Variants in ADAMTSL1 observed in about 807,000 individuals in gnomAD.
ADAMTSL1 encodes the protein ADAMTS like 1.
Under a neutral mutation model 201.8 loss-of-function variants are expected in ADAMTSL1, and 126 were observed. The observed-to-expected ratio is 0.62, with a 90% CI of 0.54 to 0.72. The LOEUF (loss-of-function observed/expected upper bound fraction) is 0.72, where lower values mean the gene tolerates loss of function less well. Ranked by LOEUF, ADAMTSL1 falls within the 30% of genes least tolerant of loss-of-function variation. The probability of loss-of-function intolerance (pLI) is 0.00; values close to 1 mark genes in which losing one functional copy is unlikely to be tolerated. For synonymous variants in ADAMTSL1, 1,121 were observed against 903.4 expected (o/e 1.24, Z -4.32); for missense variants, 2,679 against 2,277.8 (o/e 1.18, Z -3.59).
At chr9:18,112,498 T>C (rs1178302805) in intron 1 of ADAMTSL1, among the ~76,000 whole-genome samples, 1 of 151,686 alleles carries the variant, frequency 6.6e-6, no homozygotes, top group Non-Finnish European at 1.5e-5. Context: ...TTTTTTTTTT[T>C]CCTAGTTCTT....
chr9:18,525,793 A>C (rs183783047), intron 2 of ADAMTSL1, among the ~76,000 whole-genome samples: 1 of 152,320 alleles, frequency 6.6e-6, no homozygotes, highest in East Asian at 1.9e-4. Context: ...GTTTGATAGC[A>C]CTGTGGTCAG....
At chr9:18,121,394 T>C (rs76718094) in intron 1 of ADAMTSL1, among the ~76,000 whole-genome samples, 13 of 152,174 alleles carry the variant, frequency 8.5e-5, no homozygotes, top group African/African-American at 3.1e-4. Context: ...GGCACTGAGA[T>C]TGAAATACCC....
intron 4 of ADAMTSL1, among the ~76,000 whole-genome samples, chr9:18,594,336 T>G (rs1824118017): frequency 6.6e-6 from 1 of 152,166 alleles, no homozygotes; most frequent in South Asian, 2.1e-4. Flanking sequence ...TTGGTGACTT[T>G]TGACTTTCCT....
At chr9:17,960,268 T>C (rs1194799472) in intron 1 of ADAMTSL1, among the ~76,000 whole-genome samples, 1 of 152,198 alleles carries the variant, frequency 6.6e-6, no homozygotes, top group African/African-American at 2.4e-5. Context: ...AAACTGTAGA[T>C]ACTATGTCTG....
chr9:18,137,916 C>T (rs989572677), intron 1 of ADAMTSL1, among the ~76,000 whole-genome samples: 1 of 152,116 alleles, frequency 6.6e-6, no homozygotes, highest in Non-Finnish European at 1.5e-5. Context: ...TCAAGTAAAT[C>T]TTGCTAGGGA....
At chr9:18,080,499 A>G (rs896580685) in intron 1 of ADAMTSL1, among the ~76,000 whole-genome samples, 2 of 152,216 alleles carry the variant, frequency 1.3e-5, no homozygotes, top group African/African-American at 4.8e-5. Flanking sequence ...TAGAAAGGGT[A>G]TGGACAGCAG....
intron 4 of ADAMTSL1, among the ~76,000 whole-genome samples, chr9:18,603,781 T>G (rs1169541400): frequency 1.3e-5 from 2 of 152,190 alleles, no homozygotes; most frequent in Non-Finnish European, 2.9e-5. Flanking sequence ...ACATTCACGT[T>G]GTTGTGCCAT....
At chr9:18,404,049 G>A (rs1818088207) in intron 2 of ADAMTSL1, among the ~76,000 whole-genome samples, 1 of 152,110 alleles carries the variant, frequency 6.6e-6, no homozygotes, top group Admixed American at 6.5e-5. Context: ...TCATTTTATG[G>A]CTTACAATAA....
intron 23 of ADAMTSL1, among the ~76,000 whole-genome samples, chr9:18,859,866 C>A (rs1588254368): frequency 6.6e-6 from 1 of 151,492 alleles, no homozygotes; most frequent in South Asian, 2.1e-4. Flanking sequence ...TTTTGGGGTA[C>A]AAGTGGTTTT....
At chr9:18,343,877 A>G (rs1232069145) in intron 2 of ADAMTSL1, among the ~76,000 whole-genome samples, 1 of 152,102 alleles carries the variant, frequency 6.6e-6, no homozygotes, top group Non-Finnish European at 1.5e-5. Context: ...AAACAGCTTT[A>G]TGTCTGAAAA....
chr9:17,914,856 C>G (rs1038433165), intron 1 of ADAMTSL1, among the ~76,000 whole-genome samples: 3 of 152,130 alleles, frequency 2.0e-5, no homozygotes, highest in Non-Finnish European at 2.9e-5. Flanking sequence ...ACAAAAATCA[C>G]AAGCATTCTT....
chr9:18,688,071 G>A (rs972591979), intron 13 of ADAMTSL1, among the ~76,000 whole-genome samples: 3 of 151,406 alleles, frequency 2.0e-5, no homozygotes, highest in African/African-American at 7.3e-5. Flanking sequence ...TCTGATTCAT[G>A]TGGTAGAAAG....
intron 2 of ADAMTSL1, among the ~76,000 whole-genome samples, chr9:18,365,789 A>G (rs1210067634): frequency 2.0e-5 from 3 of 152,302 alleles, no homozygotes; most frequent in Admixed American, 6.5e-5. Flanking sequence ...CTGGGCCACA[A>G]AACAGGAGGG....
chr9:18,686,443 A>G (rs1408610381), intron 13 of ADAMTSL1, among the ~76,000 whole-genome samples: 1 of 152,184 alleles, frequency 6.6e-6, no homozygotes. Context: ...ACCTGATTTG[A>G]CAGGCCTTTT....
intron 1 of ADAMTSL1, among the ~76,000 whole-genome samples, chr9:18,056,522 C>T (rs1822191818): frequency 6.6e-6 from 1 of 152,132 alleles, no homozygotes; most frequent in Non-Finnish European, 1.5e-5. Context: ...CCTTGCTCAT[C>T]TCGGTATAAA....
intron 23 of ADAMTSL1, among the ~76,000 whole-genome samples, chr9:18,885,319 C>T (rs985025409): frequency 5.3e-5 from 8 of 152,170 alleles, no homozygotes; most frequent in African/African-American, 1.7e-4. Context: ...GCCCTCATGG[C>T]CTGATCACCT....
intron 2 of ADAMTSL1, among the ~76,000 whole-genome samples, chr9:18,394,467 A>G (rs1053446275): frequency 6.6e-6 from 1 of 152,084 alleles, no homozygotes; most frequent in Non-Finnish European, 1.5e-5. Flanking sequence ...GGATAGAAAT[A>G]TAAATGAATA....
intron 1 of ADAMTSL1, among the ~76,000 whole-genome samples, chr9:18,108,700 A>G (rs1255258995): frequency 1.3e-5 from 2 of 152,178 alleles, no homozygotes; most frequent in African/African-American, 4.8e-5. Context: ...TTATTTGAAC[A>G]TTAAGTAAAA....
intron 1 of ADAMTSL1, among the ~76,000 whole-genome samples, chr9:18,127,490 AC>A (rs1243745167): frequency 7.8e-6 from 1 of 127,714 alleles, no homozygotes; most frequent in Non-Finnish European, 1.9e-5. Flanking sequence ...CAACACACAC[AC>A]ACACACACAC....
Sources: allele counts gnomAD v4.1 joint callset (sites outside exome capture counted in the v4.1 genomes callset), GRCh38; gene constraint gnomAD v4.1.1; transcripts MANE v1.5; gene names NCBI Gene and HGNC (gene_info 2026-07-23, HGNC 2026-07-21).